ARMC3: variants seen among roughly 807,000 people sequenced by gnomAD.
ARMC3 encodes the protein armadillo repeat-containing protein 3.
A neutral mutation model predicts 90.3 loss-of-function variants in ARMC3; 74 were observed. That is an observed-to-expected ratio of 0.82 (90% CI 0.68 to 0.99). ARMC3 has a LOEUF of 0.99. Ranked by LOEUF, ARMC3 falls within the 50% of genes least tolerant of loss-of-function variation. ARMC3 has a pLI of 0.00. For missense variants in ARMC3, 958 were observed against 1,042.8 expected (o/e 0.92, Z 1.12); for synonymous variants, 334 against 361.8 (o/e 0.92, Z 0.87).
At chr10:22,969,589 A>G (rs1405309342) in intron 8 of ARMC3, among the ~76,000 whole-genome samples, 2 of 152,186 alleles carry the variant, frequency 1.3e-5, no homozygotes, top group East Asian at 1.9e-4. Flanking sequence ...ATAAATGCCT[A>G]TTTGAGAGAC....
rs371117563 is a variant in ARMC3, at chr10:23,034,900, C to A, written c.2409+1877C>A. Among the ~76,000 whole-genome samples the A allele has an allele frequency of 6.6e-5, 10 of 152,286 alleles. No homozygotes were observed. In the East Asian group the frequency reaches 1.2e-3, roughly 18 times the overall value. The stretch of plus-strand genomic sequence containing the variant: ...AAATCTACAGATTATTTCCTTCATC[C>A]TTCAAACCTCCCCTGATTCCAGATC... On this transcript the variant is annotated intron_variant, in intron 18 of 18. Transcript: ENST00000298032.
chr10:23,010,434 CCCTCCCCTCT>C lies in ARMC3; in HGVS notation c.2045+1507_2045+1516del, dbSNP rs1331579840. Among the ~76,000 whole-genome samples the C allele has an allele frequency of 2.4e-3, 52 of 21,764 alleles. 1 individual carries two copies. Among genetic ancestry groups the C allele is most frequent in the South Asian group, 0.01 (4 of 386 alleles). The allele number at this position is 21,764 out of a possible 152,430, so 14.3% of individuals were successfully genotyped here. ...CCCTTTCCCTCCCACCCCTTCCCTTCCCTCCCCTCTCCTTCCTTTCCCTCCTCCCTCCTTC... is the reference window on the plus strand; with the variant it reads ...CCCTTTCCCTCCCACCCCTTCCCTTCCCTTCCTTTCCCTCCTCCCTCCTTC... On this transcript the variant is annotated intron_variant, in intron 16 of 18. Transcript: ENST00000298032.
rs1477600620 is a variant in ARMC3, at chr10:23,003,174, C to T, written c.1563-72C>T. ...CCATTCTTCCTTCAGGATCTGAAGT[C>T]GGTATATAAGTGGAGACTCAGTATT... On this transcript the variant is annotated intron_variant, in intron 12 of 18. Transcript: ENST00000298032. 34 of 1,351,860 alleles carry T rather than the reference C, an allele frequency of 2.5e-5. No individual in the cohort carries two copies. The East Asian group carries it at 4.6e-4, about 18-fold the overall frequency. The allele number at this position is 1,351,860 out of a possible 1,614,324, so 83.7% of individuals were successfully genotyped here.
chr10:22,965,908 TAG>T (rs1588854539), intron 7 of ARMC3, among the ~76,000 whole-genome samples: 2 of 152,244 alleles, frequency 1.3e-5, no homozygotes, highest in South Asian at 4.1e-4. Flanking sequence ...ATAGCTGCTT[TAG>T]AGTCTCTAAT....
chr10:22,952,134 C>CA (rs756926498), intron 3 of ARMC3, among the ~76,000 whole-genome samples: 8 of 151,366 alleles, frequency 5.3e-5, no homozygotes, highest in Non-Finnish European at 1.2e-4. Context: ...AAAACAAAAA[C>CA]AAAAAACAAA....
chr10:22,995,378 A>G (rs1181954461), intron 10 of ARMC3, among the ~76,000 whole-genome samples: 1 of 152,152 alleles, frequency 6.6e-6, no homozygotes, highest in Admixed American at 6.5e-5. Flanking sequence ...GTTAATCTCA[A>G]TTATTCTTTT....
chr10:23,005,017 T>C (rs980267341), intron 13 of ARMC3, among the ~76,000 whole-genome samples: 5 of 150,782 alleles, frequency 3.3e-5, no homozygotes, highest in Non-Finnish European at 4.4e-5. Context: ...ATCGAGACCA[T>C]CCTGGCTAAC....
At chr10:22,941,870 T>A (rs1434037438) in intron 2 of ARMC3, among the ~76,000 whole-genome samples, 2 of 152,224 alleles carry the variant, frequency 1.3e-5, no homozygotes, top group African/African-American at 4.8e-5. Context: ...ACAAAAGAAA[T>A]GTAGAAACCT....
intron 16 of ARMC3, among the ~76,000 whole-genome samples, chr10:23,015,341 C>T (rs1838228063): frequency 6.6e-6 from 1 of 152,158 alleles, no homozygotes; most frequent in African/African-American, 2.4e-5. Flanking sequence ...TATCCACTCT[C>T]CTCCTTCCTT....
intron 18 of ARMC3, among the ~76,000 whole-genome samples, chr10:23,035,434 C>T (rs1428127740): frequency 6.6e-6 from 1 of 152,156 alleles, no homozygotes; most frequent in African/African-American, 2.4e-5. Context: ...TCAACTGAGT[C>T]ATGCAATTAA....
chr10:23,006,733 T>A, intron 13 of ARMC3, 151 bp from the exon 14 acceptor site: 1 of 625,656 alleles, frequency 1.6e-6, no homozygotes, highest in Non-Finnish European at 2.8e-6. Context: ...AGGTTCCTAT[T>A]TCTAATTTTA....
intron 16 of ARMC3, among the ~76,000 whole-genome samples, chr10:23,016,087 T>C (rs1838258066): frequency 6.6e-6 from 1 of 152,240 alleles, no homozygotes; most frequent in Non-Finnish European, 1.5e-5. Context: ...CCTTTTGGAA[T>C]AAATTGGGTG....
In ARMC3 at chr10:22,977,276, G is replaced by T. The variant is rs533833201; in HGVS notation, c.917-4064G>T. Among the ~76,000 whole-genome samples the T allele has an allele frequency of 7.9e-5, 12 of 152,304 alleles. No individual in the cohort carries two copies. In the East Asian group the frequency reaches 2.1e-3, roughly 27 times the overall value. On this transcript the variant is annotated intron_variant, in intron 8 of 18. Coordinates refer to ENST00000298032, the MANE Select transcript of ARMC3 (RefSeq NM_173081.5). ...ATTAAAAAACCTGCTTCCTCGTGCT[G>T]TAACCTAGTATAGCCCACTCTGCTC... is the stretch of plus-strand genomic sequence containing the variant.
chr10:22,964,440 ATTT>A (rs112985563), intron 7 of ARMC3, among the ~76,000 whole-genome samples: 9,030 of 138,404 alleles, frequency 0.065, 363 homozygotes, highest in Middle Eastern at 0.13. Flanking sequence ...TGTAGTGTTA[ATTT>A]TTTTTTTTTT....
At chr10:22,996,357 A>G (rs1180390825) in intron 10 of ARMC3, among the ~76,000 whole-genome samples, 1 of 152,210 alleles carries the variant, frequency 6.6e-6, no homozygotes, top group East Asian at 1.9e-4. Flanking sequence ...AGGAAAGGAA[A>G]TTAAATGCTG....
At chr10:23,000,254 T>C (rs1438345619) in intron 11 of ARMC3, among the ~76,000 whole-genome samples, 1 of 152,142 alleles carries the variant, frequency 6.6e-6, no homozygotes, top group Non-Finnish European at 1.5e-5. Context: ...CAGAATGCTC[T>C]GCTCTCACAG....
intron 8 of ARMC3, among the ~76,000 whole-genome samples, chr10:22,977,220 A>T (rs1049144783): frequency 2.0e-5 from 3 of 152,206 alleles, no homozygotes; most frequent in Non-Finnish European, 4.4e-5. Context: ...GTGTCAATAA[A>T]ATAACTGGTT....
At chr10:22,973,128 T>G (rs1835747707) in intron 8 of ARMC3, among the ~76,000 whole-genome samples, 4 of 151,704 alleles carry the variant, frequency 2.6e-5, no homozygotes, top group Admixed American at 2.6e-4. Flanking sequence ...ACCCCCCATC[T>G]CTACATAAAA....
intron 16 of ARMC3, among the ~76,000 whole-genome samples, chr10:23,014,887 T>TCCA (rs1838202140): frequency 2.2e-5 from 1 of 46,064 alleles, no homozygotes; most frequent in Non-Finnish European, 4.1e-5. Flanking sequence ...AGATAATCTG[T>TCCA]ACAAAAAAAA....
Sources: allele counts gnomAD v4.1 joint callset (sites outside exome capture counted in the v4.1 genomes callset), GRCh38; gene constraint gnomAD v4.1.1; transcripts MANE v1.5; gene names NCBI Gene and HGNC (gene_info 2026-07-23, HGNC 2026-07-21).